Variants in BNC2 observed in about 807,000 individuals in gnomAD.
BNC2 encodes zinc finger protein basonuclin-2.
BNC2 carries 20 observed loss-of-function variants against 76.3 expected under a neutral mutation model. The ratio of observed to expected loss-of-function variants is 0.26; its 90% CI spans 0.18 to 0.38. The LOEUF is 0.38. Ranked by LOEUF, BNC2 falls within the 10% of genes least tolerant of loss-of-function variation. The pLI is 1.00. For synonymous variants in BNC2, 582 were observed against 514.8 expected, an observed-to-expected ratio of 1.13 and a Z score of -1.77; for missense variants, 1,382 against 1,399.8, an observed-to-expected ratio of 0.99 and a Z score of 0.20.
chr9:16,506,510 CCTCTTTTTTTTTTTT>C (rs1822628746), intron 5 of BNC2, among the ~76,000 whole-genome samples: 2 of 88,540 alleles, frequency 2.3e-5, no homozygotes, highest in Admixed American at 1.2e-4. Flanking sequence ...CTCTCTCTCT[CCTCTTTTTTTTTTTT>C]TTTTTTTTTT....
chr9:16,805,057 G>C (rs994932363), intron 1 of BNC2, among the ~76,000 whole-genome samples: 1 of 151,862 alleles, frequency 6.6e-6, no homozygotes, highest in Non-Finnish European at 1.5e-5. Context: ...CTGAGATTCC[G>C]TCTCAAAAGA....
chr9:16,554,177 T>C (rs1818750711), intron 4 of BNC2, among the ~76,000 whole-genome samples: 1 of 152,202 alleles, frequency 6.6e-6, no homozygotes, highest in South Asian at 2.1e-4. Context: ...CGGGCTACAC[T>C]ACACGTGCAT....
At chr9:16,480,629 G>A (rs557064526) in intron 5 of BNC2, among the ~76,000 whole-genome samples, 140 of 152,342 alleles carry the variant, frequency 9.2e-4, no homozygotes, top group African/African-American at 3.1e-3. Context: ...GCTGGACCGG[G>A]CAATGAGGGG....
intron 5 of BNC2, among the ~76,000 whole-genome samples, chr9:16,445,093 A>C (rs1821204501): frequency 6.6e-6 from 1 of 152,240 alleles, no homozygotes; most frequent in Non-Finnish European, 1.5e-5. Flanking sequence ...CACACAAAAA[A>C]AATTCTCATT....
intron 1 of BNC2, among the ~76,000 whole-genome samples, chr9:16,835,611 A>G (rs1033426749): frequency 6.6e-6 from 1 of 152,228 alleles, no homozygotes; most frequent in Admixed American, 6.5e-5. Flanking sequence ...TGAGGCAAGG[A>G]GAATCACTTG....
intron 5 of BNC2, among the ~76,000 whole-genome samples, chr9:16,450,508 T>C (rs1203602118): frequency 6.6e-6 from 1 of 152,188 alleles, no homozygotes; most frequent in African/African-American, 2.4e-5. Flanking sequence ...AGGTGGCTGA[T>C]AACTGGCAAG....
chr9:16,647,026 G>A (rs1488569691), intron 3 of BNC2, among the ~76,000 whole-genome samples: 1 of 152,134 alleles, frequency 6.6e-6, no homozygotes, highest in Admixed American at 6.6e-5. Flanking sequence ...TTACATGTGG[G>A]GGAAAGGGGT....
At chr9:16,757,648 T>C (rs1447698436) in intron 1 of BNC2, among the ~76,000 whole-genome samples, 2 of 48,210 alleles carry the variant, frequency 4.1e-5, no homozygotes, top group Non-Finnish European at 8.5e-5. Flanking sequence ...TATGTAATTT[T>C]ACTGTTTCCA....
intron 5 of BNC2, among the ~76,000 whole-genome samples, chr9:16,491,460 T>TA (rs1310124298): frequency 6.6e-6 from 1 of 152,154 alleles, no homozygotes; most frequent in Admixed American, 6.6e-5. Context: ...AAAATAATTT[T>TA]AAAAAACACA....
intron 1 of BNC2, among the ~76,000 whole-genome samples, chr9:16,838,934 T>A (rs984712940): frequency 6.6e-5 from 10 of 152,322 alleles, no homozygotes; most frequent in Non-Finnish European, 1.0e-4. Context: ...ATTGTATTGG[T>A]CTATGTGTGC....
chr9:16,582,840 C>T, intron 4 of BNC2, 143 bp downstream of exon 4: 1 of 715,840 alleles, frequency 1.4e-6, no homozygotes, highest in Non-Finnish European at 2.5e-6. Flanking sequence ...TTAACTAACA[C>T]TTGGAGCACA....
chr9:16,802,789 G>A (rs1261998418), intron 1 of BNC2, among the ~76,000 whole-genome samples: 1 of 152,190 alleles, frequency 6.6e-6, no homozygotes, highest in Non-Finnish European at 1.5e-5. Context: ...GATTCTGCTG[G>A]GACCAGAGAA....
intron 3 of BNC2, among the ~76,000 whole-genome samples, chr9:16,615,104 T>A (rs142795028): frequency 2.0e-5 from 3 of 151,124 alleles, no homozygotes; most frequent in Non-Finnish European, 4.4e-5. Context: ...CAAGGAACAC[T>A]GCTTGCAAGA....
Position 16,553,719 on chromosome 9 carries a change from T to C in BNC2, c.434-954A>G, listed in dbSNP as rs116004176. On this transcript the variant is annotated intron_variant, in intron 4 of 6. Coordinates refer to ENST00000380672, the MANE Select transcript of BNC2 (RefSeq NM_017637.6). The stretch of plus-strand genomic sequence containing the variant: ...CTCCTCAAATTTAAGAAACGCCATC[T>C]CTTCTCTAGAACTAAAGGCCAAAAT... 5.4e-3 allele frequency among the ~76,000 whole-genome samples: 819 copies of C among 152,276 alleles called. 9 individuals are homozygous for C. The highest frequency in any genetic ancestry group is 0.019 in the African/African-American group (798 of 41,550).
At chr9:16,780,678 T>C (rs374064582) in intron 1 of BNC2, among the ~76,000 whole-genome samples, 3 of 152,176 alleles carry the variant, frequency 2.0e-5, no homozygotes, top group African/African-American at 7.2e-5. Context: ...TTATCTATGA[T>C]GTACTGGACA....
chr9:16,703,641 C>T (rs1823578987), intron 3 of BNC2, among the ~76,000 whole-genome samples: 1 of 152,138 alleles, frequency 6.6e-6, no homozygotes. Flanking sequence ...AACAAGCCAT[C>T]ATACAAACAC....
intron 5 of BNC2, among the ~76,000 whole-genome samples, chr9:16,529,447 T>G (rs936261688): frequency 6.6e-6 from 1 of 152,228 alleles, no homozygotes; most frequent in African/African-American, 2.4e-5. Flanking sequence ...TTTTCATTTT[T>G]GCATTATACA....
At chr9:16,773,326 A>G (rs1825877398) in intron 1 of BNC2, among the ~76,000 whole-genome samples, 1 of 152,098 alleles carries the variant, frequency 6.6e-6, no homozygotes, top group Non-Finnish European at 1.5e-5. Context: ...AACTTTGCTC[A>G]TCCTGCCTGC....
chr9:16,582,957 G>C (rs546044660), intron 4 of BNC2, 26 bp downstream of exon 4: 1 of 1,454,638 alleles, frequency 6.9e-7, no homozygotes, highest in Admixed American at 1.7e-5. Context: ...AATAAGAACG[G>C]GAAGAAAAGC....
Sources: gnomAD v4.1 joint callset for allele counts (sites outside exome capture counted in the v4.1 genomes callset) on GRCh38, gnomAD v4.1.1 for gene constraint, MANE v1.5 for transcripts, NCBI Gene and HGNC (gene_info 2026-07-23, HGNC 2026-07-21) for gene names.